Variants in LAMA5 observed in about 807,000 individuals in gnomAD.
LAMA5 encodes laminin subunit alpha 5.
Under a neutral mutation model 433.4 loss-of-function variants are expected in LAMA5, and 260 were observed. The observed-to-expected ratio is 0.60, with a 90% CI of 0.54 to 0.66. The LOEUF is 0.66. Among genes scored for constraint, LAMA5 ranks in the 30% least tolerant of loss-of-function variants. LAMA5 has a pLI of 0.00. For synonymous variants in LAMA5, 2,620 were observed against 2,226.6 expected, an observed-to-expected ratio of 1.18 and a Z score of -4.97; for missense variants, 5,378 against 5,258.5, an observed-to-expected ratio of 1.02 and a Z score of -0.70.
Position 62,338,259 on chromosome 20 carries a change from C to G in LAMA5, c.1729G>C (p.Gly577Arg). 1 of 1,599,774 alleles carries G rather than the reference C, an allele frequency of 6.3e-7. No individual in the cohort carries two copies. Among genetic ancestry groups the G allele is most frequent in the Non-Finnish European group, 8.5e-7 (1 of 1,172,510 alleles). The stretch of plus-strand genomic sequence containing the variant: ...TGGCAGAGAGGGAAGTGAAAGTAGC[C>G]GGGGGCACAGCGATCACATGTGGCC... ...EGATCDRCAP[G>R]YFHFPLCQLC... The change falls in exon 13 of 80, where the codon GGC becomes CGC. Residue 577 changes from glycine (G) to arginine (R), a missense_variant. Physicochemically the swap from Gly to Arg is moderately radical, Grantham distance 125 (BLOSUM62 -2). Coordinates refer to ENST00000252999, the MANE Select transcript of LAMA5 (RefSeq NM_005560.6).
At chr20:62,358,188 C>T (rs1426110288) in intron 2 of LAMA5, among the ~76,000 whole-genome samples, 2 of 152,224 alleles carry the variant, frequency 1.3e-5, no homozygotes, top group East Asian at 3.9e-4. Flanking sequence ...CGCGGGGGTG[C>T]GGGGAGAGGA....
In LAMA5 at chr20:62,322,173, G is replaced by A. The variant is rs762144274; in HGVS notation, c.6347-5C>T. ...GGCCCCCAGGGCACTGGCAGCCTGT[G>A]GTGGGGGGCTTGGGTGAGCATGGCT... On this transcript the variant is annotated splice_polypyrimidine_tract_variant and splice_region_variant and intron_variant, in intron 47 of 79. Transcript: ENST00000252999. The A allele has an allele frequency of 1.3e-6, 2 of 1,590,048 alleles. No homozygotes were observed. The highest frequency in any genetic ancestry group is 2.3e-5 in the East Asian group (1 of 44,194).
At chr20:62,337,094 G>A (rs1298526669) in intron 16 of LAMA5, 11 of 610,716 alleles carry the variant, frequency 1.8e-5, no homozygotes, top group Admixed American at 1.1e-4. Flanking sequence ...ACGTGAAGAT[G>A]CACCCACTAC....
chr20:62,353,629 G>A (rs899968183), intron 2 of LAMA5, among the ~76,000 whole-genome samples: 1 of 152,150 alleles, frequency 6.6e-6, no homozygotes, highest in Non-Finnish European at 1.5e-5. Flanking sequence ...TGGCCAGGGT[G>A]GAGGCAGGAA....
At chr20:62,321,388 G>T (rs184040337) in intron 48 of LAMA5, among the ~76,000 whole-genome samples, 1 of 3,586 alleles carries the variant, frequency 2.8e-4, no homozygotes, top group Non-Finnish European at 8.1e-4. Flanking sequence ...GAGGGGTGGG[G>T]TCAGAGGACG....
rs1430741929 is a variant in LAMA5, at chr20:62,338,140, G to A, written c.1767C>T (p.Cys589=). The A allele has an allele frequency of 1.9e-6, 3 of 1,585,542 alleles. No individual in the cohort carries two copies. The highest frequency in any genetic ancestry group is 2.6e-6 in the Non-Finnish European group (3 of 1,164,828). Residue 589 remains cysteine (C), a synonymous_variant, in exon 14 of 80, where the codon TGC becomes TGT. Coordinates refer to ENST00000252999, the MANE Select transcript of LAMA5 (RefSeq NM_005560.6). ...CCTCGGGCAAGGTTCCTGCAGGGCT[G>A]CAGCCACACACTGCAGAGCGGAGCG... is the stretch of plus-strand genomic sequence containing the variant. The part of the protein sequence containing the change: ...FHFPLCQLCG[C]SPAGTLPEGC...
At position 62,316,682 on chromosome 20, in the gene LAMA5, C is replaced by G. The variant is rs779493319; in HGVS notation, c.7745G>C (p.Arg2582Thr). ...AGCCCAGCACTCACCAAGGCCCAGCCTCTGCTGTTCCTGGAGCATGGCCTC... is the reference window on the plus strand; with the variant it reads ...AGCCCAGCACTCACCAAGGCCCAGCGTCTGCTGTTCCTGGAGCATGGCCTC... ...LEEAMLQEQQ[R>T]LGLVWAALQG... Residue 2582 changes from arginine to threonine, a missense_variant, in exon 57 of 80, where the codon AGG becomes ACG. By Grantham distance (71) the Arg-to-Thr change is moderately conservative. Transcript: ENST00000252999. 1 of 1,599,400 alleles carries G rather than the reference C, an allele frequency of 6.3e-7. No individual in the cohort carries two copies. The highest frequency in any genetic ancestry group is 8.5e-7 in the Non-Finnish European group (1 of 1,170,958).
chr20:62,327,841 A>G (rs1193653024), intron 36 of LAMA5, 25 bp downstream of exon 36: 1 of 1,592,582 alleles, frequency 6.3e-7, no homozygotes, highest in Non-Finnish European at 8.6e-7. Context: ...GGGAGAGGCC[A>G]GATCTGGGCC....
chr20:62,315,062 G>A lies in LAMA5; in HGVS notation c.8013C>T (p.Asp2671=). The A allele has an allele frequency of 6.2e-7, 1 of 1,600,346 alleles. No individual in the cohort carries two copies. The highest frequency in any genetic ancestry group is 8.5e-7 in the Non-Finnish European group (1 of 1,178,974). Residue 2671 remains aspartate (D), a synonymous_variant, in exon 59 of 80, where the codon GAC becomes GAT. Transcript: ENST00000252999. ...CTGCGTCAAGCACTGCCTGGCCCAG[G>A]TCCTGGCCCCGCAGGCCCTCGTACT... ...QGQYEGLRGQ[D]LGQAVLDAGH... is the part of the protein sequence containing the mutation.
At chr20:62,336,689 C>T in intron 17 of LAMA5, 45 bp downstream of exon 17, 1 of 1,607,738 alleles carries the variant, frequency 6.2e-7, no homozygotes, top group Non-Finnish European at 8.5e-7. Context: ...TTAGCTTGGC[C>T]TGGGTCCTCA....
chr20:62,318,184 GAGAGGACAGGAGA>G (rs1240525669), intron 53 of LAMA5, among the ~76,000 whole-genome samples: 2 of 3,542 alleles, frequency 5.6e-4, no homozygotes, highest in Non-Finnish European at 5.5e-4. Context: ...AGTGGGGAGG[GAGAGGACAGGAGA>G]AGAGGACAGG....
intron 1 of LAMA5, among the ~76,000 whole-genome samples, chr20:62,363,253 C>T (rs375707722): frequency 1.6e-4 from 25 of 152,286 alleles, no homozygotes; most frequent in East Asian, 1.6e-3. Context: ...GTGTGGACAG[C>T]GGCAGGTGGG....
chr20:62,350,786 G>C (rs914950249), intron 6 of LAMA5, among the ~76,000 whole-genome samples: 1 of 152,208 alleles, frequency 6.6e-6, no homozygotes. Context: ...ACTGGTTTGC[G>C]TGTTTCCCAG....
intron 1 of LAMA5, among the ~76,000 whole-genome samples, chr20:62,363,640 C>T (rs1986404895): frequency 6.6e-6 from 1 of 152,118 alleles, no homozygotes; most frequent in Non-Finnish European, 1.5e-5. Context: ...GGCGCCCTCC[C>T]AGGCTTGGGG....
At chr20:62,363,284 C>A (rs1227900562) in intron 1 of LAMA5, among the ~76,000 whole-genome samples, 1 of 152,204 alleles carries the variant, frequency 6.6e-6, no homozygotes, top group East Asian at 1.9e-4. Context: ...CTGGCTGCTG[C>A]TTCCGAGTCC....
chr20:62,321,564 G>T (rs1346710142), intron 48 of LAMA5, among the ~76,000 whole-genome samples: 2 of 116,618 alleles, frequency 1.7e-5, no homozygotes, highest in East Asian at 5.2e-4. Context: ...GGGGGCCAGT[G>T]GAGGCAGGGC....
rs920719307 is a variant in LAMA5 at position 62,312,432 on chromosome 20, C to T, written c.9328G>A (p.Gly3110Ser). 5 of 1,597,926 alleles carry T rather than the reference C, an allele frequency of 3.1e-6. No homozygotes were observed. Among genetic ancestry groups the T allele is most frequent in the Non-Finnish European group, 4.2e-6 (5 of 1,179,514 alleles). Residue 3110 changes from glycine (G) to serine (S), a missense_variant, in exon 68 of 80, where the codon GGC becomes AGC. Coordinates refer to ENST00000252999, the MANE Select transcript of LAMA5 (RefSeq NM_005560.6). Reference protein sequence around the residue: ...YVDLKRLNTTGVSAGCTADLL... With the variant: ...YVDLKRLNTTSVSAGCTADLL... ...TCGGCGGTGCAGCCGGCGCTCACGCCTGTCGTGTTCAGCCGCTTGAGGTCC... is the reference window on the plus strand; with the variant it reads ...TCGGCGGTGCAGCCGGCGCTCACGCTTGTCGTGTTCAGCCGCTTGAGGTCC...
intron 6 of LAMA5, among the ~76,000 whole-genome samples, chr20:62,347,838 G>T (rs868585843): frequency 1.3e-5 from 2 of 152,204 alleles, no homozygotes; most frequent in Non-Finnish European, 2.9e-5. Flanking sequence ...AGCCTCAAAT[G>T]GTCCAGCTCT....
intron 55 of LAMA5, 89 bp from the exon 56 acceptor site, chr20:62,317,112 C>G: frequency 7.2e-7 from 1 of 1,394,356 alleles, no homozygotes; most frequent in Non-Finnish European, 9.5e-7. Context: ...ACCAGCCGTG[C>G]CCGTGCCTGC....
Sources: allele counts gnomAD v4.1 joint callset (sites outside exome capture counted in the v4.1 genomes callset), GRCh38; gene constraint gnomAD v4.1.1; transcripts MANE v1.5; gene names NCBI Gene and HGNC (gene_info 2026-07-23, HGNC 2026-07-21).